The following COQ7 variants were observed in gnomAD, a reference collection of about 807,000 sequenced individuals.
COQ7 encodes coenzyme Q7, hydroxylase, also known as NADPH-dependent 3-demethoxyubiquinone 3-hydroxylase, mitochondrial.
Under a neutral mutation model 25.0 loss-of-function variants are expected in COQ7, and 21 were observed. The ratio of observed to expected loss-of-function variants is 0.84; its 90% CI spans 0.60 to 1.21. The LOEUF (loss-of-function observed/expected upper bound fraction) is 1.21, where lower values mean the gene tolerates loss of function less well. COQ7 is among the 50% of genes most tolerant of loss of function. COQ7 has a pLI of 0.00. For missense variants in COQ7, 311 were observed against 296.2 expected (o/e 1.05, Z -0.37); for synonymous variants, 125 against 112.4 (o/e 1.11, Z -0.71).
intron 2 of COQ7, chr16:19,072,377 G>A (rs1012197309): frequency 1.3e-5 from 6 of 452,362 alleles, no homozygotes; most frequent in African/African-American, 1.2e-4. Context: ...ATGAAAAAAG[G>A]TTAAGAATCG....
At chr16:19,074,264 A>G (rs1270342251) in intron 3 of COQ7, among the ~76,000 whole-genome samples, 1 of 151,914 alleles carries the variant, frequency 6.6e-6, no homozygotes, top group Non-Finnish European at 1.5e-5. Context: ...GATGGCTCAC[A>G]CCTGTAATCC....
intron 1 of COQ7, among the ~76,000 whole-genome samples, chr16:19,070,410 C>T (rs927342949): frequency 2.0e-5 from 3 of 152,166 alleles, no homozygotes; most frequent in Non-Finnish European, 2.9e-5. Flanking sequence ...ATGGTAGTCA[C>T]GGCTAAGAGC....
Position 19,071,981 on chromosome 16 carries a change from A to C in COQ7, c.127A>C (p.Asn43His). The C allele has an allele frequency of 6.2e-7, 1 of 1,614,242 alleles. No homozygotes were observed. The highest frequency in any genetic ancestry group is 8.5e-7 in the Non-Finnish European group (1 of 1,180,054). Residue 43 changes from asparagine (N) to histidine (H), a missense_variant, in exon 2 of 6, where the codon AAT (asparagine) becomes CAT (histidine). Physicochemically the swap from Asn to His is moderately conservative, Grantham distance 68. Coordinates refer to ENST00000321998, the MANE Select transcript of COQ7 (RefSeq NM_016138.5). ...RFRSSGMTLD[N>H]ISRAAVDRII... is the part of the protein sequence containing the mutation. ...TCGCAGTTCAGGAATGACTTTAGAC[A>C]ATATCAGTCGGGCAGCTGTGGATCG...
downstream of COQ7, among the ~76,000 whole-genome samples, chr16:19,081,122 A>G (rs1432353134): frequency 6.6e-6 from 1 of 152,198 alleles, no homozygotes; most frequent in African/African-American, 2.4e-5. Context: ...GAGTCAAGAA[A>G]ACTTTTATTT....
intron 1 of COQ7, among the ~76,000 whole-genome samples, chr16:19,070,124 A>G (rs11646974): frequency 0.92 from 139,488 of 152,130 alleles, 64,485 homozygotes; most frequent in Non-Finnish European, 0.97. Flanking sequence ...TGAGATGGAG[A>G]GGATCATGGC....
At chr16:19,069,667 T>C (rs923640645) in intron 1 of COQ7, among the ~76,000 whole-genome samples, 8 of 152,088 alleles carry the variant, frequency 5.3e-5, no homozygotes, top group East Asian at 1.9e-4. Context: ...CTCCTTGGCT[T>C]CCCAAAGTGC....
intron 2 of COQ7, among the ~76,000 whole-genome samples, chr16:19,073,550 A>G (rs1423920530): frequency 6.6e-6 from 1 of 152,186 alleles, no homozygotes; most frequent in East Asian, 1.9e-4. Flanking sequence ...CTGGAAGGAA[A>G]TTACACAACA....
At chr16:19,074,678 A>G (rs1194620728) in intron 3 of COQ7, among the ~76,000 whole-genome samples, 1 of 152,116 alleles carries the variant, frequency 6.6e-6, no homozygotes, top group Non-Finnish European at 1.5e-5. Context: ...GAGCCTGAGT[A>G]TCTTGGACTA....
intron 3 of COQ7, among the ~76,000 whole-genome samples, chr16:19,074,986 A>G (rs979749067): frequency 5.9e-5 from 9 of 152,312 alleles, no homozygotes; most frequent in Non-Finnish European, 1.3e-4. Context: ...AAAACGGAGA[A>G]GAATAAATGG....
At chr16:19,077,484 G>A (rs1962909812) in intron 5 of COQ7, 110 bp downstream of exon 5, 1 of 848,124 alleles carries the variant, frequency 1.2e-6, no homozygotes, top group East Asian at 2.7e-5. Context: ...CAGCGAAAGG[G>A]AGAGAAAACC....
At chr16:19,082,349 G>C (rs1963112625), downstream of COQ7, among the ~76,000 whole-genome samples, 1 of 152,066 alleles carries the variant, frequency 6.6e-6, no homozygotes. Flanking sequence ...GTTAAAATGG[G>C]GCCAGGCACA....
intron 4 of COQ7, 26 bp downstream of exon 4, chr16:19,075,886 G>T (rs1962813612): frequency 1.2e-6 from 2 of 1,613,928 alleles, no homozygotes; most frequent in Middle Eastern, 1.7e-4. Flanking sequence ...CTAGAACGGG[G>T]CTGCTCAAGG....
chr16:19,074,174 G>A, intron 3 of COQ7, 139 bp downstream of exon 3: 1 of 575,374 alleles, frequency 1.7e-6, no homozygotes. Flanking sequence ...AGGTTAAATT[G>A]ACTGCCTTTT....
chr16:19,069,788 T>A (rs535148823), intron 1 of COQ7, among the ~76,000 whole-genome samples: 1 of 151,942 alleles, frequency 6.6e-6, no homozygotes, highest in African/African-American at 2.4e-5. Context: ...TTATGCTTCT[T>A]TTTTTCTTTT....
In COQ7 at chr16:19,079,314, G is replaced by A. The variant is rs985764709; in HGVS notation, c.*1156G>A. On this transcript the variant is annotated 3_prime_UTR_variant, in exon 6 of 6. Coordinates refer to ENST00000321998, the MANE Select transcript of COQ7 (RefSeq NM_016138.5). ...AGCCTGAACAGACTAAGACGGGGGT[G>A]TTGCTTCCATCAAAGGATGTACTAA... The A allele has an allele frequency of 6.6e-6, 1 of 152,108 alleles. No homozygotes were observed. The highest frequency in any genetic ancestry group is 2.4e-5 in the African/African-American group (1 of 41,428). 9.4% of individuals were successfully genotyped at this position (152,108 alleles called of 1,614,324 possible). A position where few individuals can be genotyped will look rare whatever the true frequency, so the allele number is the denominator to read the frequency against.
At chr16:19,082,381 A>G (rs1963113111), downstream of COQ7, among the ~76,000 whole-genome samples, 1 of 152,196 alleles carries the variant, frequency 6.6e-6, no homozygotes, top group Admixed American at 6.5e-5. Flanking sequence ...CTGTCATCTC[A>G]GCACTTTGGG....
At chr16:19,068,977 A>C (rs984490152) in intron 1 of COQ7, 2 of 416,430 alleles carry the variant, frequency 4.8e-6, no homozygotes, top group African/African-American at 4.1e-5. Flanking sequence ...AAGTGTTGGG[A>C]AAGTGTTAAG....
At chr16:19,068,295 G>C in intron 1 of COQ7, 2 of 991,046 alleles carry the variant, frequency 2.0e-6, no homozygotes, top group Non-Finnish European at 2.4e-6. Flanking sequence ...CGAATTTAGA[G>C]TAGAGAGACA....
At chr16:19,076,416 C>T (rs78245846) in intron 4 of COQ7, among the ~76,000 whole-genome samples, 2,777 of 151,618 alleles carry the variant, frequency 0.018, 92 homozygotes, top group African/African-American at 0.062. Flanking sequence ...CTCTTGAGCC[C>T]TGTCCTGTTC....
Sources: gnomAD v4.1 joint callset for allele counts (sites outside exome capture counted in the v4.1 genomes callset) on GRCh38, gnomAD v4.1.1 for gene constraint, MANE v1.5 for transcripts, NCBI Gene and HGNC (gene_info 2026-07-23, HGNC 2026-07-21) for gene names.